Variants in TMEM8B observed in about 807,000 individuals in gnomAD.
TMEM8B encodes nasopharyngeal carcinoma expressed 6.
In TMEM8B, 29 loss-of-function variants were observed where a neutral mutation model predicts 49.3. The ratio of observed to expected loss-of-function variants is 0.59; its 90% CI spans 0.44 to 0.80. The LOEUF (loss-of-function observed/expected upper bound fraction) is 0.80. TMEM8B is among the 30% of genes least tolerant of loss of function. The pLI is 0.00. For synonymous variants in TMEM8B, 264 were observed against 272.8 expected, an observed-to-expected ratio of 0.97 and a Z score of 0.32; for missense variants, 575 against 658.5, an observed-to-expected ratio of 0.87 and a Z score of 1.39.
chr9:35,835,886 G>T (rs1160424070), intron 3 of TMEM8B, among the ~76,000 whole-genome samples: 3 of 152,206 alleles, frequency 2.0e-5, no homozygotes, highest in African/African-American at 7.2e-5. Flanking sequence ...TCTCTGGTTT[G>T]GAGTGGAAGG....
intron 6 of TMEM8B, among the ~76,000 whole-genome samples, chr9:35,843,528 C>G (rs1831223691): frequency 6.6e-6 from 1 of 152,126 alleles, no homozygotes; most frequent in African/African-American, 2.4e-5. Flanking sequence ...GACCGGGGTA[C>G]CAGGTAACAA....
intron 1 of TMEM8B, among the ~76,000 whole-genome samples, chr9:35,830,511 C>A (rs993864046): frequency 6.6e-6 from 1 of 152,142 alleles, no homozygotes; most frequent in African/African-American, 2.4e-5. Flanking sequence ...ACTTTTAGAG[C>A]AGGGCTGAAA....
rs369830269 is a variant in TMEM8B, at chr9:35,853,796, G to A, written c.2731G>A (p.Val911Met). ...CAACGAGCAGGAGGAGCTGGGCCTC[G>A]TGGGCCCAGGAGGGGCCACTGTCAG... is the stretch of plus-strand genomic sequence containing the variant. ...CINEQEELGLVGPGGATVSSI... is the reference protein window; with the variant it reads ...CINEQEELGLMGPGGATVSSI... The change falls in exon 13 of 13, where the codon GTG becomes ATG. Residue 911 changes from valine (V) to methionine (M), a missense_variant. Val to Met is a conservative substitution (Grantham distance 21, BLOSUM62 1). Coordinates refer to ENST00000643932, the MANE Select transcript of TMEM8B (RefSeq NM_001042590.4). The surrounding 1 kb of genome is among the most constrained non-coding windows in gnomAD (Gnocchi z 4.2). 32 of 1,578,402 alleles carry A rather than the reference G, an allele frequency of 2.0e-5. No homozygotes were observed. Among genetic ancestry groups the A allele is most frequent in the Middle Eastern group, 1.7e-4 (1 of 5,906 alleles).
Position 35,841,939 on chromosome 9 carries a change from C to T in TMEM8B, c.1309+145C>T, listed in dbSNP as rs1017359768. 2.4e-6 allele frequency: 1 copy of T among 408,308 alleles called. No homozygotes were observed. The highest frequency in any genetic ancestry group is 4.4e-6 in the Non-Finnish European group (1 of 226,066). 25.3% of individuals were successfully genotyped at this position (408,308 alleles called of 1,614,324 possible). A position where few individuals can be genotyped will look rare whatever the true frequency, so the allele number is the denominator to read the frequency against. ...TCCTTCATGCTCCCTGAAGCCATCA[C>T]ACTTGGAGCTCCAAGTTATTGGAAG... On this transcript the variant is annotated intron_variant, in intron 5 of 12. Transcript: ENST00000643932. The surrounding 1 kb of genome is among the most constrained non-coding windows in gnomAD (Gnocchi z 5.9).
At chr9:35,835,990 C>A (rs749037861) in intron 3 of TMEM8B, among the ~76,000 whole-genome samples, 6 of 152,228 alleles carry the variant, frequency 3.9e-5, no homozygotes, top group Non-Finnish European at 7.3e-5. Context: ...GTGTGCTGAG[C>A]TGGCTGTTGT....
At position 35,853,890 on chromosome 9, in the gene TMEM8B, C is replaced by G; in HGVS notation, c.*50C>G. On this transcript the variant is annotated 3_prime_UTR_variant, in exon 13 of 13. Coordinates refer to ENST00000643932, the MANE Select transcript of TMEM8B (RefSeq NM_001042590.4). The surrounding 1 kb of genome is among the most constrained non-coding windows in gnomAD (Gnocchi z 4.2). ...GGGGATATGAATGCTTCCTAGAGTT[C>G]TTTCTGGGGGTGTGGAGCCCTCTTA... The G allele has an allele frequency of 6.7e-7, 1 of 1,494,768 alleles. No individual in the cohort carries two copies. The highest frequency in any genetic ancestry group is 8.9e-7 in the Non-Finnish European group (1 of 1,128,224). The allele number at this position is 1,494,768 out of a possible 1,614,324, so 92.6% of individuals were successfully genotyped here. A position where few individuals can be genotyped will look rare whatever the true frequency, so the allele number is the denominator to read the frequency against.
intron 1 of TMEM8B, among the ~76,000 whole-genome samples, chr9:35,830,605 T>G (rs1829775082): frequency 6.6e-6 from 1 of 152,030 alleles, no homozygotes; most frequent in African/African-American, 2.4e-5. Flanking sequence ...TGAATGGCAG[T>G]GTGCTGGGGC....
chr9:35,846,644 G>A lies in TMEM8B; in HGVS notation c.1996+33G>A, dbSNP rs1330853979. On this transcript the variant is annotated intron_variant, in intron 9 of 12. Transcript: ENST00000643932. Reference sequence around the variant, plus strand: ...GGCTGGCGAGGGAGCGGGCTGCGGTGGACTGGAGGTGGACCTGCTGGGCCT... The same window carrying A: ...GGCTGGCGAGGGAGCGGGCTGCGGTAGACTGGAGGTGGACCTGCTGGGCCT... The A allele has an allele frequency of 3.2e-6, 5 of 1,570,810 alleles. No individual in the cohort carries two copies. In the South Asian group the frequency reaches 4.6e-5, roughly 15 times the overall value.
chr9:35,845,860 C>T (rs920143671), intron 6 of TMEM8B, 115 bp from the exon 7 acceptor site: 1 of 1,586,064 alleles, frequency 6.3e-7, no homozygotes, highest in Non-Finnish European at 8.6e-7. Context: ...TGGAGAGCGC[C>T]GGGAGGAATG....
rs372621014 is a variant in TMEM8B, at chr9:35,846,919, C to T, written c.2099C>T (p.Pro700Leu). ...LLCLSNLMFL[P>L]PVVLAIRSRY... ...TGCCTGAGCAACCTCATGTTTCTGCCACCTGTGGTCCTGGCCATTCGGAGT... is the reference window on the plus strand; with the variant it reads ...TGCCTGAGCAACCTCATGTTTCTGCTACCTGTGGTCCTGGCCATTCGGAGT... The change falls in exon 10 of 13, where the codon CCA (proline) becomes CTA (leucine). Residue 700 changes from proline (P) to leucine (L), a missense_variant. Coordinates refer to ENST00000643932, the MANE Select transcript of TMEM8B (RefSeq NM_001042590.4). The T allele has an allele frequency of 3.8e-5, 61 of 1,614,250 alleles. No homozygotes were observed. Among genetic ancestry groups the T allele is most frequent in the Non-Finnish European group, 5.0e-5 (59 of 1,180,040 alleles).
rs1167690737 is a variant in TMEM8B at position 35,841,940 on chromosome 9, A to G, written c.1309+146A>G. ...CCTTCATGCTCCCTGAAGCCATCAC[A>G]CTTGGAGCTCCAAGTTATTGGAAGG... On this transcript the variant is annotated intron_variant, in intron 5 of 12. Transcript: ENST00000643932. This position sits in a 1 kb window ranked among gnomAD's most constrained non-coding sequence, Gnocchi z 5.9. The G allele has an allele frequency of 9.8e-6, 4 of 407,690 alleles. No individual in the cohort carries two copies. Among genetic ancestry groups the G allele is most frequent in the Non-Finnish European group, 1.8e-5 (4 of 225,994 alleles). The allele number at this position is 407,690 out of a possible 1,614,324, so 25.3% of individuals were successfully genotyped here. A position where few individuals can be genotyped will look rare whatever the true frequency, so the allele number is the denominator to read the frequency against.
chr9:35,842,371 C>T lies in TMEM8B; in HGVS notation c.1310-21C>T. ...ACTGTAAAGGCTGCAGGCCCAAGCTCTGGTTTCCTCTGCCCCACAGAGTGC... is the reference window on the plus strand; with the variant it reads ...ACTGTAAAGGCTGCAGGCCCAAGCTTTGGTTTCCTCTGCCCCACAGAGTGC... On this transcript the variant is annotated intron_variant, in intron 5 of 12. Coordinates refer to ENST00000643932, the MANE Select transcript of TMEM8B (RefSeq NM_001042590.4). The surrounding 1 kb of genome is among the most constrained non-coding windows in gnomAD (Gnocchi z 5.6). 6.7e-7 allele frequency: 1 copy of T among 1,487,232 alleles called. No individual in the cohort carries two copies. Among genetic ancestry groups the T allele is most frequent in the Non-Finnish European group, 9.0e-7 (1 of 1,115,614 alleles). 92.1% of individuals were successfully genotyped at this position (1,487,232 alleles called of 1,614,324 possible).
chr9:35,864,341 A>G lies in TMEM8B; in HGVS notation c.*10501A>G, dbSNP rs1049423609. 2.6e-5 allele frequency: 4 copies of G among 152,192 alleles called. No homozygotes were observed. The highest frequency in any genetic ancestry group is 5.9e-5 in the Non-Finnish European group (4 of 68,044). 9.4% of individuals were successfully genotyped at this position (152,192 alleles called of 1,614,324 possible). A position where few individuals can be genotyped will look rare whatever the true frequency, so the allele number is the denominator to read the frequency against. On this transcript the variant is annotated 3_prime_UTR_variant, in exon 13 of 13. Coordinates refer to ENST00000643932, the MANE Select transcript of TMEM8B (RefSeq NM_001042590.4). ...TTAATACTTATTTTAGGCTTCACAA[A>G]TTATTTTAAAAGAAAAGATAGGGGC...
Position 35,856,268 on chromosome 9 carries a change from T to TC in TMEM8B, c.*2430dup, listed in dbSNP as rs1462400529. The TC allele has an allele frequency of 6.6e-6, 1 of 152,156 alleles. No individual in the cohort carries two copies. Among genetic ancestry groups the TC allele is most frequent in the Admixed American group, 6.6e-5 (1 of 15,266 alleles). The allele number at this position is 152,156 out of a possible 1,614,324, so 9.4% of individuals were successfully genotyped here. ...GTGCCTAGTCTGGTATGTGATGTGG[T>TC]CCAATATATGTTAGCTTAAGGTCAC... is the stretch of plus-strand genomic sequence containing the variant. On this transcript the variant is annotated 3_prime_UTR_variant, in exon 13 of 13. Transcript: ENST00000643932.
Position 35,841,035 on chromosome 9 carries a change from G to A in TMEM8B, c.907-99G>A, listed in dbSNP as rs544183043. The A allele has an allele frequency of 4.9e-6, 2 of 411,564 alleles. No individual in the cohort carries two copies. The highest frequency in any genetic ancestry group is 3.6e-5 in the East Asian group (1 of 28,042). 25.5% of individuals were successfully genotyped at this position (411,564 alleles called of 1,614,324 possible). A position where few individuals can be genotyped will look rare whatever the true frequency, so the allele number is the denominator to read the frequency against. On this transcript the variant is annotated intron_variant, in intron 3 of 12. Transcript: ENST00000643932. The surrounding 1 kb of genome is among the most constrained non-coding windows in gnomAD (Gnocchi z 5.9). ...GAGGCCTGGGAGTGGTGGCCGGGGC[G>A]GGGGTTTCTCCCCAGCCCGCCCAGC...
chr9:35,847,218 A>G (rs1477819851), intron 10 of TMEM8B: 2 of 1,480,714 alleles, frequency 1.4e-6, no homozygotes, highest in East Asian at 4.6e-5. Context: ...AACTTAATAA[A>G]GTAAGTTTGG....
intron 6 of TMEM8B, among the ~76,000 whole-genome samples, chr9:35,843,405 C>T (rs1489232890): frequency 6.6e-6 from 1 of 152,210 alleles, no homozygotes; most frequent in Non-Finnish European, 1.5e-5. Flanking sequence ...AGCTGAAGAA[C>T]CTCAGTGTCT....
In TMEM8B at chr9:35,852,699, T is replaced by G. The variant is rs535011136; in HGVS notation, c.2176-128T>G. ...TGGGGAGTCAGGCATTTCCCAGATC[T>G]TCTCATCTGTGACCTTTCACCTCTG... is the stretch of plus-strand genomic sequence containing the variant. On this transcript the variant is annotated intron_variant, in intron 10 of 12. Coordinates refer to ENST00000643932, the MANE Select transcript of TMEM8B (RefSeq NM_001042590.4). 12 of 1,093,084 alleles carry G rather than the reference T, an allele frequency of 1.1e-5. No individual in the cohort carries two copies. In the East Asian group the frequency reaches 1.9e-4, roughly 17 times the overall value. The allele number at this position is 1,093,084 out of a possible 1,614,324, so 67.7% of individuals were successfully genotyped here. A position where few individuals can be genotyped will look rare whatever the true frequency, so the allele number is the denominator to read the frequency against.
In TMEM8B at chr9:35,842,540, C is replaced by T. The variant is rs1831124610; in HGVS notation, c.1458C>T (p.His486=). The change falls in exon 6 of 13, where the codon CAC becomes CAT. Residue 486 remains histidine (H), a synonymous_variant. Transcript: ENST00000643932. This position sits in a 1 kb window ranked among gnomAD's most constrained non-coding sequence, Gnocchi z 5.6. ...EGPGTTSPPE[H]CWPVRPTLRN... ...CTGGGACCACGTCCCCACCCGAGCA[C>T]TGCTGGCCAGTGCGCCCGACTCTGC... 3.7e-6 allele frequency: 6 copies of T among 1,614,190 alleles called. No homozygotes were observed. Among genetic ancestry groups the T allele is most frequent in the Non-Finnish European group, 5.1e-6 (6 of 1,180,034 alleles).
Sources: gnomAD v4.1 joint callset for allele counts (sites outside exome capture counted in the v4.1 genomes callset) on GRCh38, gnomAD v4.1.1 for gene constraint, Gnocchi (gnomAD v3.1) non-coding constraint, MANE v1.5 for transcripts, NCBI Gene and HGNC (gene_info 2026-07-23, HGNC 2026-07-21) for gene names.